Variants in TMEM234 observed in about 807,000 individuals in gnomAD.
TMEM234 encodes the protein chromosome 1 open reading frame 91.
TMEM234 carries 21 observed loss-of-function variants against 17.8 expected under a neutral mutation model. The ratio of observed to expected loss-of-function variants is 1.18; its 90% CI spans 0.84 to 1.70. The LOEUF (loss-of-function observed/expected upper bound fraction) is 1.70. Ranked by LOEUF, TMEM234 falls within the 40% of genes most tolerant of loss-of-function variation. The pLI is 0.00. For synonymous variants in TMEM234, 83 were observed against 73.5 expected (o/e 1.13, Z -0.66); for missense variants, 137 against 166.9 (o/e 0.82, Z 0.99).
downstream of TMEM234, chr1:32,216,026 G>A: frequency 1.2e-6 from 1 of 827,110 alleles, no homozygotes; most frequent in Non-Finnish European, 1.9e-6. Context: ...GGCCTCCTCA[G>A]CCCTCCCCGT....
chr1:32,222,027 A>G lies in TMEM234; in HGVS notation c.17-9T>C. 1.2e-6 allele frequency: 2 copies of G among 1,606,358 alleles called. No homozygotes were observed. The highest frequency in any genetic ancestry group is 4.5e-5 in the East Asian group (2 of 44,818). ...CAGAGCCAACACCTGCCCTGAATGC[A>G]GACGAGTGAGTCACCCTGACCCCCA... is the stretch of plus-strand genomic sequence containing the variant. On this transcript the variant is annotated splice_polypyrimidine_tract_variant and intron_variant, in intron 1 of 4. Transcript: ENST00000309777.
downstream of TMEM234, chr1:32,214,793 C>G: frequency 6.2e-7 from 1 of 1,613,938 alleles, no homozygotes; most frequent in East Asian, 2.2e-5. Flanking sequence ...TGTCCCTTCT[C>G]TAGGCCCAAG....
rs1639006792 is a variant in TMEM234, at chr1:32,222,290, CG to C, written c.16+16del. 6.5e-7 allele frequency: 1 copy of C among 1,544,186 alleles called. No homozygotes were observed. The highest frequency in any genetic ancestry group is 8.7e-7 in the Non-Finnish European group (1 of 1,146,182). On this transcript the variant is annotated intron_variant, in intron 1 of 4. Transcript: ENST00000309777. ...GAGGGTCGGGAAATCCATGGAAGGG[CG>C]GGGCCGGCTACCTACCCAGAGACGC...
At position 32,216,258 on chromosome 1, in the gene TMEM234, G is replaced by C; in HGVS notation, c.*595C>G. On this transcript the variant is annotated 3_prime_UTR_variant, in exon 5 of 5. Coordinates refer to ENST00000309777, the MANE Select transcript of TMEM234 (RefSeq NM_019118.5). ...TCGCCAGGTGTGCTGGAGTCAGGTG[G>C]GGCTGGGGCTCACAGCTCTCTACCT... 1 of 1,427,916 alleles carries C rather than the reference G, an allele frequency of 7.0e-7. No homozygotes were observed. 88.5% of individuals were successfully genotyped at this position (1,427,916 alleles called of 1,614,324 possible).
downstream of TMEM234, chr1:32,215,706 G>A (rs1638326396): frequency 8.4e-7 from 1 of 1,184,412 alleles, no homozygotes; most frequent in South Asian, 1.5e-5. Context: ...CTAATTTCCA[G>A]TTTCTTCCTT....
intron 2 of TMEM234, 85 bp downstream of exon 2, chr1:32,221,782 G>A (rs1638934201): frequency 6.4e-7 from 1 of 1,553,966 alleles, no homozygotes; most frequent in Admixed American, 2.0e-5. Flanking sequence ...AGTAAGTGGT[G>A]GGGCTGACCC....
rs953517765 is a variant in TMEM234, at chr1:32,216,595, C to A, written c.*258G>T. On this transcript the variant is annotated 3_prime_UTR_variant, in exon 5 of 5. Coordinates refer to ENST00000309777, the MANE Select transcript of TMEM234 (RefSeq NM_019118.5). ...GCCTGAGATGTTAGCAGGAAGAGAGCTGCTGGGGCAGAAAGGTTGCTGAGG... is the reference window on the plus strand; with the variant it reads ...GCCTGAGATGTTAGCAGGAAGAGAGATGCTGGGGCAGAAAGGTTGCTGAGG... 20 of 1,540,174 alleles carry A rather than the reference C, an allele frequency of 1.3e-5. No individual in the cohort carries two copies. Among genetic ancestry groups the A allele is most frequent in the Middle Eastern group, 1.7e-4 (1 of 5,974 alleles).
At chr1:32,215,728 GGGACCTCCT>G (rs1638327407), downstream of TMEM234, 1 of 1,281,210 alleles carries the variant, frequency 7.8e-7, no homozygotes, top group Admixed American at 2.5e-5. Context: ...CTTGGGGTTG[GGGACCTCCT>G]GGCTGAGAGC....
At chr1:32,214,846 A>AC (rs1396124368), downstream of TMEM234, 4 of 1,613,758 alleles carry the variant, frequency 2.5e-6, no homozygotes, top group African/African-American at 4.0e-5. Flanking sequence ...AAGGAACCAG[A>AC]CCGAATTAAG....
chr1:32,221,845 G>A (rs745744549), intron 2 of TMEM234, 22 bp downstream of exon 2: 2 of 1,612,774 alleles, frequency 1.2e-6, no homozygotes, highest in South Asian at 1.1e-5. Flanking sequence ...CACCGAGAGA[G>A]GGGCCTTTCA....
At chr1:32,222,242 G>A (rs1418432248) in intron 1 of TMEM234, 65 bp downstream of exon 1, 2 of 1,526,282 alleles carry the variant, frequency 1.3e-6, no homozygotes, top group African/African-American at 2.8e-5. Context: ...GGGTGGATGT[G>A]GAGCAGGAAA....
At position 32,222,310 on chromosome 1, in the gene TMEM234, G is replaced by C. The variant is rs201665490; in HGVS notation, c.13C>G (p.Leu5Val). The stretch of plus-strand genomic sequence containing the variant: ...AAGGGCGGGGCCGGCTACCTACCCA[G>C]AGACGCCGCCATGGCAACGCCGCTG... MAAS[L>V]GQVLALVLVA... Residue 5 changes from leucine to valine, a missense_variant, in exon 1 of 5, where the codon CTG (leucine) becomes GTG (valine). Coordinates refer to ENST00000309777, the MANE Select transcript of TMEM234 (RefSeq NM_019118.5). 9.9e-5 allele frequency: 154 copies of C among 1,561,962 alleles called. 1 individual carries two copies. In the East Asian group the frequency reaches 3.2e-3, roughly 33 times the overall value.
At chr1:32,214,847 C>T, downstream of TMEM234, 2 of 1,613,958 alleles carry the variant, frequency 1.2e-6, no homozygotes, top group Non-Finnish European at 1.7e-6. Flanking sequence ...AGGAACCAGA[C>T]CGAATTAAGC....
intron 3 of TMEM234, among the ~76,000 whole-genome samples, chr1:32,219,097 A>G (rs1217270491): frequency 1.3e-5 from 2 of 148,648 alleles, no homozygotes; most frequent in African/African-American, 5.0e-5. Flanking sequence ...GGGCAACAAG[A>G]GCGAAATGCC....
At chr1:32,215,667 T>C, downstream of TMEM234, 6 of 1,114,650 alleles carry the variant, frequency 5.4e-6, no homozygotes, top group Non-Finnish European at 7.7e-6. Context: ...TCTCCTAACT[T>C]CCTACCTTGT....
At chr1:32,219,932 G>C (rs140449106) in intron 3 of TMEM234, among the ~76,000 whole-genome samples, 1 of 152,156 alleles carries the variant, frequency 6.6e-6, no homozygotes, top group Non-Finnish European at 1.5e-5. Flanking sequence ...ATAATGCATG[G>C]ATAGTCCCTG....
At chr1:32,214,873 C>A, downstream of TMEM234, 2 of 1,613,970 alleles carry the variant, frequency 1.2e-6, no homozygotes, top group Non-Finnish European at 1.7e-6. Context: ...GCTTTCTATG[C>A]CAGACCCCAG....
rs545164666 is a variant in TMEM234 at position 32,222,094 on chromosome 1, C to A, written c.17-76G>T. On this transcript the variant is annotated intron_variant, in intron 1 of 4. Transcript: ENST00000309777. ...ACCCCGCCCTCTCCTGGCCTTCTAGCCCCAGCTAGCCGCCCCCACTTCCCT... is the reference window on the plus strand; with the variant it reads ...ACCCCGCCCTCTCCTGGCCTTCTAGACCCAGCTAGCCGCCCCCACTTCCCT... 87 of 1,505,098 alleles carry A rather than the reference C, an allele frequency of 5.8e-5. 1 individual carries two copies. In the South Asian group the frequency reaches 1.1e-3, roughly 19 times the overall value. The allele number at this position is 1,505,098 out of a possible 1,614,324, so 93.2% of individuals were successfully genotyped here. A position where few individuals can be genotyped will look rare whatever the true frequency, so the allele number is the denominator to read the frequency against.
chr1:32,215,957 C>A, downstream of TMEM234: 4 of 1,382,226 alleles, frequency 2.9e-6, no homozygotes, highest in South Asian at 1.2e-5. Context: ...TTGTCCTTAG[C>A]CTCCAGCAGC....
Sources: allele counts gnomAD v4.1 joint callset (sites outside exome capture counted in the v4.1 genomes callset), GRCh38; gene constraint gnomAD v4.1.1; transcripts MANE v1.5; gene names NCBI Gene and HGNC (gene_info 2026-07-23, HGNC 2026-07-21).